GDAP1L1: variants seen among roughly 807,000 people sequenced by gnomAD.
The protein encoded by GDAP1L1 is ganglioside-induced differentiation-associated protein 1-like 1.
In GDAP1L1, 21 loss-of-function variants were observed where a neutral mutation model predicts 37.1. That is an observed-to-expected ratio of 0.57 (90% CI 0.40 to 0.81). The LOEUF (loss-of-function observed/expected upper bound fraction) is 0.81. Among genes scored for constraint, GDAP1L1 ranks in the 40% least tolerant of loss-of-function variants. The pLI is 0.00. For missense variants in GDAP1L1, 362 were observed against 491.6 expected (o/e 0.74, Z 2.49); for synonymous variants, 193 against 209.1 (o/e 0.92, Z 0.67).
chr20:44,266,408 G>A (rs530135385), intron 5 of GDAP1L1, among the ~76,000 whole-genome samples: 1 of 151,870 alleles, frequency 6.6e-6, no homozygotes, highest in African/African-American at 2.4e-5. Context: ...GGGCCAAAAG[G>A]CTTGGTAGTT....
In GDAP1L1 at chr20:44,280,500, C is replaced by T; in HGVS notation, c.*1200C>T. 6.5e-6 allele frequency: 1 copy of T among 152,692 alleles called. No homozygotes were observed. Among genetic ancestry groups the T allele is most frequent in the East Asian group, 1.9e-4 (1 of 5,202 alleles). The allele number at this position is 152,692 out of a possible 1,614,324, so 9.5% of individuals were successfully genotyped here. A position where few individuals can be genotyped will look rare whatever the true frequency, so the allele number is the denominator to read the frequency against. On this transcript the variant is annotated 3_prime_UTR_variant, in exon 6 of 6. Transcript: ENST00000342560. ...ACAAGAGCAAGCAAGAGTTGACTGCCTGTCTCAAGTTGCTGGGTCTGGGGC... is the reference window on the plus strand; with the variant it reads ...ACAAGAGCAAGCAAGAGTTGACTGCTTGTCTCAAGTTGCTGGGTCTGGGGC...
At chr20:44,273,943 T>C (rs1238389204) in intron 5 of GDAP1L1, among the ~76,000 whole-genome samples, 3 of 152,186 alleles carry the variant, frequency 2.0e-5, no homozygotes, top group Admixed American at 1.3e-4. Context: ...ACCCACCCAC[T>C]GTATATCATC....
intron 3 of GDAP1L1, among the ~76,000 whole-genome samples, chr20:44,260,931 G>A (rs188298786): frequency 1.1e-4 from 16 of 152,320 alleles, no homozygotes; most frequent in African/African-American, 3.4e-4. Flanking sequence ...AAGAATGAAC[G>A]GGGTAGGCCC....
intron 1 of GDAP1L1, among the ~76,000 whole-genome samples, chr20:44,249,876 TG>T (rs2073406512): frequency 6.6e-6 from 1 of 152,222 alleles, no homozygotes; most frequent in Admixed American, 6.5e-5. Flanking sequence ...ACTTACTGGC[TG>T]AGTGACCTTG....
At chr20:44,250,871 A>G (rs1008905210) in intron 1 of GDAP1L1, among the ~76,000 whole-genome samples, 35 of 152,150 alleles carry the variant, frequency 2.3e-4, no homozygotes, top group African/African-American at 8.4e-4. Context: ...TAGTGCTGCC[A>G]GTCCCACTAA....
Position 44,264,330 on chromosome 20 carries a change from G to A in GDAP1L1, c.646-115G>A, listed in dbSNP as rs115577044. The A allele has an allele frequency of 8.1e-4, 1,049 of 1,293,978 alleles. 10 individuals are homozygous for A. The South Asian group carries it at 0.013, about 15-fold the overall frequency. The allele number at this position is 1,293,978 out of a possible 1,614,324, so 80.2% of individuals were successfully genotyped here. A position where few individuals can be genotyped will look rare whatever the true frequency, so the allele number is the denominator to read the frequency against. On this transcript the variant is annotated intron_variant, in intron 4 of 5. Transcript: ENST00000342560. Reference sequence around the variant, plus strand: ...AACGGGGGGGCATCCTATACACTTGGGGGGCATTTGGAGGCTGGGTTTGCA... The same window carrying A: ...AACGGGGGGGCATCCTATACACTTGAGGGGCATTTGGAGGCTGGGTTTGCA...
chr20:44,276,137 C>T (rs539957087), intron 5 of GDAP1L1, among the ~76,000 whole-genome samples: 2 of 149,492 alleles, frequency 1.3e-5, no homozygotes, highest in South Asian at 2.1e-4. Flanking sequence ...GCCTGGCCAA[C>T]GTGGCAAAAC....
Position 44,263,273 on chromosome 20 carries a change from T to C in GDAP1L1, c.591T>C (p.His197=), listed in dbSNP as rs137900321. ...NATTDLMKLD[H]EEEPQLSEPY... ...CCACGGACCTCATGAAACTGGACCA[T>C]GAAGAGGAGCCCCAGCTCTCCGAGC... Residue 197 remains histidine (H), a synonymous_variant, in exon 4 of 6, where the codon CAT becomes CAC. Coordinates refer to ENST00000342560, the MANE Select transcript of GDAP1L1 (RefSeq NM_024034.6). 8.7e-6 allele frequency: 14 copies of C among 1,613,954 alleles called. No homozygotes were observed. The East Asian group carries it at 8.9e-5, about 10-fold the overall frequency.
intron 5 of GDAP1L1, among the ~76,000 whole-genome samples, chr20:44,275,685 C>T (rs1340759796): frequency 6.6e-6 from 1 of 152,090 alleles, no homozygotes; most frequent in Non-Finnish European, 1.5e-5. Flanking sequence ...CGTCTAGGCA[C>T]AGGAACTTGG....
At chr20:44,276,431 A>AGAAAGAAAGAAAG (rs2062578969) in intron 5 of GDAP1L1, among the ~76,000 whole-genome samples, 2 of 142,866 alleles carry the variant, frequency 1.4e-5, no homozygotes, top group African/African-American at 5.1e-5. Flanking sequence ...AAAGAAAGAA[A>AGAAAGAAAGAAAG]GAAAGAAAGA....
intron 1 of GDAP1L1, among the ~76,000 whole-genome samples, chr20:44,253,656 CT>C (rs1437577368): frequency 3.3e-5 from 5 of 152,206 alleles, no homozygotes; most frequent in African/African-American, 1.2e-4. Flanking sequence ...CCACCTAGGT[CT>C]GGTCCAGCCT....
At chr20:44,269,011 G>A (rs2062484980) in intron 5 of GDAP1L1, among the ~76,000 whole-genome samples, 1 of 152,168 alleles carries the variant, frequency 6.6e-6, no homozygotes. Context: ...TGGCAGTATG[G>A]GCTGGGCTCA....
At chr20:44,247,257 C>G (rs1037288472), upstream of GDAP1L1, 3 of 1,442,102 alleles carry the variant, frequency 2.1e-6, no homozygotes, top group African/African-American at 1.4e-5. Flanking sequence ...GCAGGCTCGG[C>G]GAGGCCATGT....
In GDAP1L1 at chr20:44,264,466, G is replaced by A. The variant is rs1243101460; in HGVS notation, c.667G>A (p.Asp223Asn). 1 of 1,519,518 alleles carries A rather than the reference G, an allele frequency of 6.6e-7. No homozygotes were observed. Among genetic ancestry groups the A allele is most frequent in the Non-Finnish European group, 8.8e-7 (1 of 1,133,432 alleles). The allele number at this position is 1,519,518 out of a possible 1,614,324, so 94.1% of individuals were successfully genotyped here. A position where few individuals can be genotyped will look rare whatever the true frequency, so the allele number is the denominator to read the frequency against. Residue 223 changes from aspartate (D) to asparagine (N), a missense_variant, in exon 5 of 6, where the codon GAT becomes AAT. Coordinates refer to ENST00000342560, the MANE Select transcript of GDAP1L1 (RefSeq NM_024034.6). ...CCAGGCCAAGATCTTGGAGCATGAT[G>A]ATGTGAGCTACCTGAAGAAGATCCT... ...KLMAKILEHD[D>N]VSYLKKILGE...
chr20:44,262,098 G>A (rs1287140199), intron 3 of GDAP1L1, among the ~76,000 whole-genome samples: 1 of 152,124 alleles, frequency 6.6e-6, no homozygotes, highest in Non-Finnish European at 1.5e-5. Context: ...GAGCTAGGAT[G>A]TTATCCGAGG....
chr20:44,258,395 C>T (rs906191145), intron 2 of GDAP1L1, 39 bp from the exon 3 acceptor site: 2 of 1,540,268 alleles, frequency 1.3e-6, no homozygotes, highest in Non-Finnish European at 1.8e-6. Context: ...GGCAGGTGCC[C>T]CTCTGGCTTC....
intron 4 of GDAP1L1, among the ~76,000 whole-genome samples, chr20:44,263,979 G>T (rs915949854): frequency 1.3e-5 from 2 of 152,206 alleles, no homozygotes; most frequent in Non-Finnish European, 2.9e-5. Context: ...TAAGGAAGAG[G>T]AAGCTGCTAA....
At chr20:44,250,855 AG>A (rs1047694141) in intron 1 of GDAP1L1, among the ~76,000 whole-genome samples, 30 of 152,172 alleles carry the variant, frequency 2.0e-4, no homozygotes, top group African/African-American at 7.2e-4. Context: ...CAGGAGACCA[AG>A]GTTCTAGTGC....
chr20:44,257,002 C>G, intron 1 of GDAP1L1, 151 bp from the exon 2 acceptor site: 1 of 816,184 alleles, frequency 1.2e-6, no homozygotes, highest in Non-Finnish European at 1.9e-6. Flanking sequence ...AGATATCCCC[C>G]CAAACCCAGG....
Sources: gnomAD v4.1 joint callset for allele counts (sites outside exome capture counted in the v4.1 genomes callset) on GRCh38, gnomAD v4.1.1 for gene constraint, MANE v1.5 for transcripts, NCBI Gene and HGNC (gene_info 2026-07-23, HGNC 2026-07-21) for gene names.